Variants in DCUN1D1 observed in about 807,000 individuals in gnomAD.
The protein encoded by DCUN1D1 is defective in cullin neddylation 1 domain containing 1.
DCUN1D1 carries 3 observed loss-of-function variants against 39.0 expected under a neutral mutation model. The observed-to-expected ratio is 0.08, with a 90% CI of 0.04 to 0.20. The LOEUF (loss-of-function observed/expected upper bound fraction) is 0.20. Ranked by LOEUF, DCUN1D1 falls within the 10% of genes least tolerant of loss-of-function variation. The pLI is 1.00. For missense variants in DCUN1D1, 158 were observed against 302.4 expected (o/e 0.52, Z 3.54); for synonymous variants, 82 against 96.3 (o/e 0.85, Z 0.87).
chr3:182,953,723 C>T (rs1271280541), intron 4 of DCUN1D1, among the ~76,000 whole-genome samples: 1 of 152,010 alleles, frequency 6.6e-6, no homozygotes, highest in South Asian at 2.1e-4. Context: ...GATAAGGTAA[C>T]AAGAAGCAAC....
rs1726146379 is a variant in DCUN1D1 at position 182,941,837 on chromosome 3, G to A, written c.*3257C>T. On this transcript the variant is annotated 3_prime_UTR_variant, in exon 7 of 7. Transcript: ENST00000292782. ...TTTATTCCAAAACTCCTTCGATTAG[G>A]TTTAACTTTCTCCTGTCATTCATAT... 6.6e-6 allele frequency: 1 copy of A among 151,952 alleles called. No homozygotes were observed. Among genetic ancestry groups the A allele is most frequent in the South Asian group, 2.1e-4 (1 of 4,824 alleles). 9.4% of individuals were successfully genotyped at this position (151,952 alleles called of 1,614,324 possible).
chr3:182,966,894 G>C (rs568921347), intron 1 of DCUN1D1, among the ~76,000 whole-genome samples: 1 of 152,270 alleles, frequency 6.6e-6, no homozygotes, highest in East Asian at 1.9e-4. Context: ...ATCACCTGAA[G>C]TCAGGAGTTC....
intron 1 of DCUN1D1, among the ~76,000 whole-genome samples, chr3:182,970,227 G>A (rs1188534969): frequency 1.3e-5 from 2 of 152,028 alleles, no homozygotes; most frequent in Non-Finnish European, 2.9e-5. Context: ...TAGCGCCGCT[G>A]CACTACAGCC....
At chr3:182,979,867 C>T (rs1728437650) in intron 1 of DCUN1D1, among the ~76,000 whole-genome samples, 1 of 152,130 alleles carries the variant, frequency 6.6e-6, no homozygotes, top group South Asian at 2.1e-4. Flanking sequence ...GCCGGGGAAA[C>T]TCTCCTTCTC....
At chr3:182,974,246 C>G (rs1337919066) in intron 1 of DCUN1D1, among the ~76,000 whole-genome samples, 2 of 151,772 alleles carry the variant, frequency 1.3e-5, no homozygotes, top group African/African-American at 2.4e-5. Context: ...AGAGTGAGAC[C>G]CTGTCTCAAA....
At chr3:182,952,344 T>C (rs1159142860) in intron 4 of DCUN1D1, among the ~76,000 whole-genome samples, 1 of 152,184 alleles carries the variant, frequency 6.6e-6, no homozygotes, top group African/African-American at 2.4e-5. Context: ...GTGTCAACAA[T>C]AACCACTTTT....
intron 1 of DCUN1D1, among the ~76,000 whole-genome samples, chr3:182,971,335 C>T (rs1307365464): frequency 6.6e-6 from 1 of 151,940 alleles, no homozygotes; most frequent in African/African-American, 2.4e-5. Context: ...GAGGCCAAGG[C>T]AAGAGGAACA....
intron 6 of DCUN1D1, 111 bp downstream of exon 6, chr3:182,947,127 C>T (rs1577157548): frequency 1.7e-6 from 1 of 602,842 alleles, no homozygotes; most frequent in East Asian, 3.0e-5. Context: ...AAAACAAAAG[C>T]TCAGCGGAGG....
upstream of DCUN1D1, among the ~76,000 whole-genome samples, chr3:182,982,517 CT>C (rs2108413128): frequency 6.6e-6 from 1 of 152,300 alleles, no homozygotes; most frequent in African/African-American, 2.4e-5. Context: ...AACTAGAAAT[CT>C]AAGAATCATC....
upstream of DCUN1D1, among the ~76,000 whole-genome samples, chr3:182,982,036 C>T (rs967266387): frequency 6.6e-6 from 1 of 152,170 alleles, no homozygotes; most frequent in Admixed American, 6.5e-5. Flanking sequence ...ACACCTAGGG[C>T]GTTAATGAGG....
rs376204572 is a variant in DCUN1D1, at chr3:182,962,742, T to C, written c.389+1139A>G. Among the ~76,000 whole-genome samples the C allele has an allele frequency of 2.0e-4, 31 of 152,346 alleles. No homozygotes were observed. In the South Asian group the frequency reaches 2.1e-3, roughly 10 times the overall value. ...CCTTTGACAGAGTAAAGCAAGTCTTTAAATTTTCTCTGTTAAAATTACAGG... is the reference window on the plus strand; with the variant it reads ...CCTTTGACAGAGTAAAGCAAGTCTTCAAATTTTCTCTGTTAAAATTACAGG... On this transcript the variant is annotated intron_variant, in intron 3 of 6. Coordinates refer to ENST00000292782, the MANE Select transcript of DCUN1D1 (RefSeq NM_020640.4).
chr3:182,949,543 G>A (rs1158335203), intron 4 of DCUN1D1, among the ~76,000 whole-genome samples: 1 of 152,048 alleles, frequency 6.6e-6, no homozygotes, highest in East Asian at 1.9e-4. Context: ...AACATAGCAA[G>A]ACCCCATCTC....
intron 4 of DCUN1D1, among the ~76,000 whole-genome samples, chr3:182,958,436 T>C (rs1178154318): frequency 6.6e-6 from 1 of 152,220 alleles, no homozygotes; most frequent in African/African-American, 2.4e-5. Flanking sequence ...TATATTATTA[T>C]TGACTAAGGT....
chr3:182,955,590 G>A, intron 4 of DCUN1D1: 2 of 395,964 alleles, frequency 5.1e-6, no homozygotes, highest in South Asian at 2.0e-5. Flanking sequence ...CATCAGGAGG[G>A]TTTTTTTTTT....
At chr3:182,945,507 CAGG>C (rs1726347956) in intron 6 of DCUN1D1, among the ~76,000 whole-genome samples, 1 of 152,082 alleles carries the variant, frequency 6.6e-6, no homozygotes, top group African/African-American at 2.4e-5. Flanking sequence ...CAGCCTGAGG[CAGG>C]AGAATGGTGT....
At chr3:182,953,198 A>G in intron 4 of DCUN1D1, among the ~76,000 whole-genome samples, 1 of 151,566 alleles carries the variant, frequency 6.6e-6, no homozygotes, top group East Asian at 1.9e-4. Context: ...TACCCCAGAC[A>G]GACTAAAGAT....
chr3:182,984,242 A>G (rs1728654975), upstream of DCUN1D1, among the ~76,000 whole-genome samples: 1 of 152,242 alleles, frequency 6.6e-6, no homozygotes, highest in South Asian at 2.1e-4. Context: ...AACTGTATCC[A>G]TTACTGTACT....
rs539006260 is a variant in DCUN1D1, at chr3:182,961,130, T to C, written c.520+96A>G. The C allele has an allele frequency of 5.5e-4, 502 of 920,724 alleles. 2 individuals are homozygous for C. Among genetic ancestry groups the C allele is most frequent in the Admixed American group, 1.9e-4 (7 of 36,788 alleles). The allele number at this position is 920,724 out of a possible 1,614,324, so 57.0% of individuals were successfully genotyped here. On this transcript the variant is annotated intron_variant, in intron 4 of 6. Coordinates refer to ENST00000292782, the MANE Select transcript of DCUN1D1 (RefSeq NM_020640.4). The stretch of plus-strand genomic sequence containing the variant: ...TCAATAACTGGTATTTTCATGACTT[T>C]ATGCTCAAAACACATAACTTTCTAT...
intron 1 of DCUN1D1, among the ~76,000 whole-genome samples, chr3:182,968,248 G>C (rs1336842435): frequency 6.6e-6 from 1 of 152,078 alleles, no homozygotes; most frequent in African/African-American, 2.4e-5. Context: ...TAACATATTG[G>C]CATAACTTTT....
Sources: gnomAD v4.1 joint callset for allele counts (sites outside exome capture counted in the v4.1 genomes callset) on GRCh38, gnomAD v4.1.1 for gene constraint, MANE v1.5 for transcripts, NCBI Gene and HGNC (gene_info 2026-07-23, HGNC 2026-07-21) for gene names.